The following MCOLN2 variants were observed in gnomAD, a reference collection of about 807,000 sequenced individuals.
The protein encoded by MCOLN2 is mucolipin TRP cation channel 2.
MCOLN2 carries 57 observed loss-of-function variants against 67.5 expected under a neutral mutation model. The ratio of observed to expected loss-of-function variants is 0.84; its 90% CI spans 0.68 to 1.05. The LOEUF (loss-of-function observed/expected upper bound fraction) is 1.05, where lower values mean the gene tolerates loss of function less well. Ranked by LOEUF, MCOLN2 falls within the 50% of genes least tolerant of loss-of-function variation. The pLI, the probability that MCOLN2 is intolerant of heterozygous loss-of-function variation, is 0.00. For missense variants in MCOLN2, 620 were observed against 678.8 expected (o/e 0.91, Z 0.96); for synonymous variants, 246 against 233.3 (o/e 1.05, Z -0.50).
chr1:84,927,229 G>T, intron 13 of MCOLN2, among the ~76,000 whole-genome samples: 1 of 150,210 alleles, frequency 6.7e-6, no homozygotes, highest in African/African-American at 2.5e-5. Flanking sequence ...AAAAATATAT[G>T]TTACATTTAG....
At chr1:84,975,404 T>C (rs953292986) in intron 1 of MCOLN2, among the ~76,000 whole-genome samples, 3 of 152,154 alleles carry the variant, frequency 2.0e-5, no homozygotes, top group Non-Finnish European at 4.4e-5. Context: ...TGCCTGGTAA[T>C]CCAAAGAATT....
At position 84,926,663 on chromosome 1, in the gene MCOLN2, T is replaced by C. The variant is rs1323755211; in HGVS notation, c.*22A>G. ...AGCCGCTGGATAAGGATGCCTGAAC[T>C]TTAATCATCTTTAGCAGAACTTTAG... is the stretch of plus-strand genomic sequence containing the variant. On this transcript the variant is annotated 3_prime_UTR_variant, in exon 14 of 14. Transcript: ENST00000370608. 3 of 1,568,524 alleles carry C rather than the reference T, an allele frequency of 1.9e-6. No homozygotes were observed. Among genetic ancestry groups the C allele is most frequent in the Non-Finnish European group, 2.6e-6 (3 of 1,150,340 alleles).
At chr1:84,985,972 C>G (rs1039905624) in intron 1 of MCOLN2, among the ~76,000 whole-genome samples, 1 of 152,068 alleles carries the variant, frequency 6.6e-6, no homozygotes, top group African/African-American at 2.4e-5. Flanking sequence ...CAAAAAAGAG[C>G]CTGCATAGCT....
intron 2 of MCOLN2, among the ~76,000 whole-genome samples, chr1:84,960,224 C>A (rs1649011358): frequency 6.6e-6 from 1 of 152,120 alleles, no homozygotes; most frequent in African/African-American, 2.4e-5. Flanking sequence ...GCTTTACATG[C>A]AGTGCCTCAT....
intron 11 of MCOLN2, among the ~76,000 whole-genome samples, chr1:84,932,179 T>C (rs1647217683): frequency 6.6e-6 from 1 of 152,020 alleles, no homozygotes; most frequent in Non-Finnish European, 1.5e-5. Flanking sequence ...AACATAAGCA[T>C]CTTCTTATGT....
rs1647532459 is a variant in MCOLN2 at position 84,938,005 on chromosome 1, G to A, written c.1188C>T (p.Tyr396=). Residue 396 remains tyrosine (Y), a synonymous_variant, in exon 10 of 14, where the codon TAC becomes TAT. Coordinates refer to ENST00000370608, the MANE Select transcript of MCOLN2 (RefSeq NM_153259.4). ...TLLVWVGVIR[Y]LGYFQAYNVL... is the part of the protein sequence containing the mutation. ...CATTATATGCCTGGAAATAACCCAG[G>A]TATCTGATGACTCCAACCCAAACCA... The A allele has an allele frequency of 1.9e-6, 3 of 1,613,854 alleles. No individual in the cohort carries two copies. The African/African-American group carries it at 4.0e-5, about 22-fold the overall frequency.
chr1:84,933,950 C>T (rs1022272772), intron 11 of MCOLN2, among the ~76,000 whole-genome samples: 2 of 152,108 alleles, frequency 1.3e-5, no homozygotes, highest in Non-Finnish European at 2.9e-5. Context: ...TTGGTAACAC[C>T]CTGCCATTTT....
chr1:84,996,904 G>C lies in MCOLN2; in HGVS notation c.-32C>G. ...TCCTTCAAAACTTTCCAGGGCTCTC[G>C]GGATTCGGAACAGGAAACACCGTTC... On this transcript the variant is annotated 5_prime_UTR_variant, in exon 1 of 14. Transcript: ENST00000370608. 1 of 1,595,546 alleles carries C rather than the reference G, an allele frequency of 6.3e-7. No individual in the cohort carries two copies. Among genetic ancestry groups the C allele is most frequent in the Non-Finnish European group, 8.6e-7 (1 of 1,163,162 alleles).
chr1:84,930,807 C>T (rs912775499), intron 12 of MCOLN2, among the ~76,000 whole-genome samples: 69 of 152,200 alleles, frequency 4.5e-4, no homozygotes, highest in African/African-American at 1.6e-3. Flanking sequence ...GTACCAGCAC[C>T]CAAGGAAGTG....
At chr1:84,972,387 T>C (rs962654620) in intron 1 of MCOLN2, among the ~76,000 whole-genome samples, 3 of 152,100 alleles carry the variant, frequency 2.0e-5, no homozygotes, top group Non-Finnish European at 4.4e-5. Context: ...AGCTTAATAA[T>C]GGCAGCACTA....
intron 1 of MCOLN2, among the ~76,000 whole-genome samples, chr1:84,993,063 C>A (rs11161502): frequency 0.49 from 74,793 of 152,114 alleles, 18,675 homozygotes; most frequent in Middle Eastern, 0.54. Flanking sequence ...TCCTCTCAAA[C>A]CTTGCTGCTG....
chr1:84,926,304 A>G lies in MCOLN2; in HGVS notation c.*381T>C, dbSNP rs1049392134. Reference sequence around the variant, plus strand: ...ACAAATGTCTTCAAACCCAAGAATCACCTTTAAAACAAATCCTTATTTGAC... The same window carrying G: ...ACAAATGTCTTCAAACCCAAGAATCGCCTTTAAAACAAATCCTTATTTGAC... On this transcript the variant is annotated 3_prime_UTR_variant, in exon 14 of 14. Transcript: ENST00000370608. 3.7e-5 allele frequency: 6 copies of G among 162,386 alleles called. No individual in the cohort carries two copies. The highest frequency in any genetic ancestry group is 6.6e-5 in the Non-Finnish European group (5 of 75,210). 10.1% of individuals were successfully genotyped at this position (162,386 alleles called of 1,614,324 possible). A position where few individuals can be genotyped will look rare whatever the true frequency, so the allele number is the denominator to read the frequency against.
Position 84,971,466 on chromosome 1 carries a change from T to C in MCOLN2, c.78-5758A>G, listed in dbSNP as rs566974742. On this transcript the variant is annotated intron_variant, in intron 1 of 13. Coordinates refer to ENST00000370608, the MANE Select transcript of MCOLN2 (RefSeq NM_153259.4). ...GCCTCCCTCTTCCCCATTTGTAGGT[T>C]TGTCCTGGTAGATGAAGGGTATTAA... Among the ~76,000 whole-genome samples the C allele has an allele frequency of 7.4e-5, 11 of 149,488 alleles. No individual in the cohort carries two copies. The South Asian group carries it at 2.4e-3, about 32-fold the overall frequency.
At chr1:84,959,487 G>A (rs1002689838) in intron 2 of MCOLN2, among the ~76,000 whole-genome samples, 30 of 152,114 alleles carry the variant, frequency 2.0e-4, no homozygotes, top group African/African-American at 7.0e-4. Context: ...AAATTAGTCA[G>A]CACCAAAAGT....
chr1:84,971,270 T>C (rs1050859650), intron 1 of MCOLN2, among the ~76,000 whole-genome samples: 2 of 152,034 alleles, frequency 1.3e-5, no homozygotes, highest in Non-Finnish European at 2.9e-5. Context: ...ATAATAAAGG[T>C]GCATGATGAG....
At chr1:84,953,540 A>C (rs1648617480) in intron 4 of MCOLN2, among the ~76,000 whole-genome samples, 1 of 139,520 alleles carries the variant, frequency 7.2e-6, no homozygotes, top group African/African-American at 2.8e-5. Context: ...ACAAGAACGA[A>C]ACTCTATCTC....
At position 84,971,359 on chromosome 1, in the gene MCOLN2, A is replaced by T. The variant is rs1260609308; in HGVS notation, c.78-5651T>A. ...AAAAGATAATGAAATTTAAAAATTT[A>T]AAAATTTAAAAATTCTGATATTTCA... On this transcript the variant is annotated intron_variant, in intron 1 of 13. Transcript: ENST00000370608. 6.6e-5 allele frequency among the ~76,000 whole-genome samples: 10 copies of T among 152,184 alleles called. No homozygotes were observed. The East Asian group carries it at 1.7e-3, about 26-fold the overall frequency.
At chr1:84,962,832 G>A (rs1452327710) in intron 2 of MCOLN2, among the ~76,000 whole-genome samples, 1 of 152,202 alleles carries the variant, frequency 6.6e-6, no homozygotes, top group African/African-American at 2.4e-5. Context: ...GGCTAGAGAG[G>A]TGAAATTTTC....
chr1:84,962,479 G>T (rs2102853547), intron 2 of MCOLN2, among the ~76,000 whole-genome samples: 1 of 152,304 alleles, frequency 6.6e-6, no homozygotes, highest in East Asian at 1.9e-4. Context: ...GGAGTTCAAG[G>T]TTGCAGTAAG....
Sources: allele counts gnomAD v4.1 joint callset (sites outside exome capture counted in the v4.1 genomes callset), GRCh38; gene constraint gnomAD v4.1.1; transcripts MANE v1.5; gene names NCBI Gene and HGNC (gene_info 2026-07-23, HGNC 2026-07-21).